CHD2: variants seen among roughly 807,000 people sequenced by gnomAD.
The protein encoded by CHD2 is ATP-dependent chromatin remodeler CHD2.
Under a neutral mutation model 243.9 loss-of-function variants are expected in CHD2, and 28 were observed. The ratio of observed to expected loss-of-function variants is 0.11; its 90% CI spans 0.09 to 0.16. CHD2 has a LOEUF of 0.16. CHD2 is among the 10% of genes least tolerant of loss of function. The probability of loss-of-function intolerance (pLI) is 1.00; values close to 1 mark genes in which losing one functional copy is unlikely to be tolerated. For missense variants in CHD2, 1,386 were observed against 2,209.8 expected (o/e 0.63, Z 7.47); for synonymous variants, 775 against 779.0 (o/e 0.99, Z 0.09).
rs370870386 is a variant in CHD2, at chr15:93,014,860, C to T, written c.4857C>T (p.His1619=). The change falls in exon 37 of 39, where the codon CAC becomes CAT. Residue 1619 remains histidine (H), a synonymous_variant. Transcript: ENST00000394196. ...PASHGPQMHG[H]PRDNYNHPNK... ...CCCATGGCCCACAGATGCATGGACA[C>T]CCAAGAGATAACTACAATCACCCCA... 2.5e-6 allele frequency: 4 copies of T among 1,614,132 alleles called. No homozygotes were observed. The highest frequency in any genetic ancestry group is 2.2e-5 in the East Asian group (1 of 44,880).
intron 2 of CHD2, among the ~76,000 whole-genome samples, chr15:92,906,849 T>C (rs1004281635): frequency 6.6e-6 from 1 of 152,012 alleles, no homozygotes; most frequent in Non-Finnish European, 1.5e-5. Flanking sequence ...TTGGTTACAC[T>C]GGGTGTGTCA....
intron 2 of CHD2, among the ~76,000 whole-genome samples, chr15:92,919,759 G>A (rs1188816927): frequency 1.3e-5 from 2 of 152,100 alleles, no homozygotes; most frequent in Admixed American, 1.3e-4. Flanking sequence ...TGTACTTGCC[G>A]CCCTTGGTTT....
intron 20 of CHD2, among the ~76,000 whole-genome samples, chr15:92,977,284 A>T (rs1285163354): frequency 6.6e-6 from 1 of 152,190 alleles, no homozygotes; most frequent in East Asian, 1.9e-4. Context: ...ATTCTTGTGA[A>T]GCAGCTGTCT....
intron 6 of CHD2, among the ~76,000 whole-genome samples, chr15:92,939,153 T>G (rs2053316612): frequency 6.6e-6 from 1 of 152,240 alleles, no homozygotes; most frequent in Non-Finnish European, 1.5e-5. Context: ...GTGAATACTT[T>G]ATTATGCCTG....
intron 17 of CHD2, among the ~76,000 whole-genome samples, chr15:92,971,550 C>G (rs996078412): frequency 6.6e-6 from 1 of 152,092 alleles, no homozygotes; most frequent in South Asian, 2.1e-4. Context: ...GTTGAAATAT[C>G]CAGCAGAATC....
At chr15:92,968,119 CA>C (rs5814562) in intron 17 of CHD2, among the ~76,000 whole-genome samples, 55,873 of 151,956 alleles carry the variant, frequency 0.37, 11,384 homozygotes, top group East Asian at 0.8. Context: ...ATATTTTAAT[CA>C]ATTTATTTTT....
intron 37 of CHD2, among the ~76,000 whole-genome samples, chr15:93,018,120 C>CA (rs1254486888): frequency 6.6e-6 from 1 of 152,222 alleles, no homozygotes; most frequent in African/African-American, 2.4e-5. Flanking sequence ...AGCACCTCTA[C>CA]AAAACCACAG....
chr15:92,914,116 C>T (rs889025966), intron 2 of CHD2, among the ~76,000 whole-genome samples: 1 of 152,162 alleles, frequency 6.6e-6, no homozygotes, highest in Non-Finnish European at 1.5e-5. Context: ...CAATAGCTAA[C>T]TAAAGACAAG....
At chr15:92,976,586 G>A (rs1397309355) in intron 20 of CHD2, among the ~76,000 whole-genome samples, 3 of 151,576 alleles carry the variant, frequency 2.0e-5, no homozygotes, top group African/African-American at 7.3e-5. Context: ...AGGCCAAGAT[G>A]GGGGAGGATC....
At chr15:92,926,953 C>T (rs984434538) in intron 3 of CHD2, among the ~76,000 whole-genome samples, 1 of 148,074 alleles carries the variant, frequency 6.8e-6, no homozygotes, top group Admixed American at 7.0e-5. Flanking sequence ...TTAGTGGAAG[C>T]AGCCGCTGTC....
chr15:92,967,791 C>T (rs1777769776), intron 17 of CHD2, among the ~76,000 whole-genome samples: 1 of 151,832 alleles, frequency 6.6e-6, no homozygotes, highest in African/African-American at 2.4e-5. Context: ...GGCCTCCCAA[C>T]GTTTTGTTGT....
intron 33 of CHD2, among the ~76,000 whole-genome samples, chr15:93,003,286 CAAAAAAA>C (rs397853913): frequency 1.3e-4 from 17 of 131,042 alleles, no homozygotes; most frequent in South Asian, 9.3e-4. Flanking sequence ...GACCTTGTCT[CAAAAAAA>C]AAAAAAAAAA....
rs770993927 is a variant in CHD2, at chr15:93,009,214, G to A, written c.4483G>A (p.Val1495Met). The change falls in exon 35 of 39, where the codon GTG becomes ATG. Residue 1495 changes from valine (V) to methionine (M), a missense_variant. By Grantham distance (21) the Val-to-Met change is conservative. This residue lies in a region of CHD2 where 42 missense variants were observed against 47.6 expected (regional missense o/e 0.88). Transcript: ENST00000394196. ...CGACAAACCTGACAAGGGGCTCAAC[G>A]TGCAAGAACAGCTGGAACACACCCG... ...QLDKPDKGLN[V>M]QEQLEHTRNC... is the part of the protein sequence containing the mutation. 68 of 1,614,208 alleles carry A rather than the reference G, an allele frequency of 4.2e-5. No individual in the cohort carries two copies. In the African/African-American group the frequency reaches 4.4e-4, roughly 10 times the overall value.
chr15:92,909,473 A>AT (rs1165211613), intron 2 of CHD2, among the ~76,000 whole-genome samples: 5 of 152,096 alleles, frequency 3.3e-5, no homozygotes, highest in African/African-American at 1.2e-4. Flanking sequence ...TTCACTTTGG[A>AT]TTTTTTGTTG....
intron 28 of CHD2, among the ~76,000 whole-genome samples, chr15:92,994,161 T>C (rs2054158321): frequency 6.6e-6 from 1 of 152,172 alleles, no homozygotes; most frequent in Non-Finnish European, 1.5e-5. Flanking sequence ...CAGTCAGTTA[T>C]CTGGAATTTT....
At chr15:92,919,378 C>CA in intron 2 of CHD2, among the ~76,000 whole-genome samples, 1 of 151,670 alleles carries the variant, frequency 6.6e-6, no homozygotes, top group East Asian at 1.9e-4. Context: ...ATTCTGGTTC[C>CA]AAAAACAATT....
At chr15:92,969,801 G>A (rs184333044) in intron 17 of CHD2, among the ~76,000 whole-genome samples, 2 of 147,028 alleles carry the variant, frequency 1.4e-5, no homozygotes, top group Non-Finnish European at 1.5e-5. Flanking sequence ...GTAAAAACAG[G>A]TTAAGATTTT....
At chr15:92,975,915 A>T (rs1345948581) in intron 20 of CHD2, among the ~76,000 whole-genome samples, 1 of 152,174 alleles carries the variant, frequency 6.6e-6, no homozygotes, top group African/African-American at 2.4e-5. Flanking sequence ...AATTAAAGAC[A>T]TCGGTCATCA....
At chr15:92,934,081 T>A (rs1167060919) in intron 5 of CHD2, among the ~76,000 whole-genome samples, 1 of 152,214 alleles carries the variant, frequency 6.6e-6, no homozygotes, top group African/African-American at 2.4e-5. Flanking sequence ...CTTCCAGATG[T>A]CTTCTAAGTG....
Sources: allele counts gnomAD v4.1 joint callset (sites outside exome capture counted in the v4.1 genomes callset), GRCh38; gene constraint gnomAD v4.1.1; regional missense constraint gnomAD v4.1.1; transcripts MANE v1.5; gene names NCBI Gene and HGNC (gene_info 2026-07-23, HGNC 2026-07-21).